Variants in FHIT observed in about 807,000 individuals in gnomAD.
FHIT encodes the protein fragile histidine triad diadenosine triphosphatase.
FHIT carries 19 observed loss-of-function variants against 17.9 expected under a neutral mutation model. The observed-to-expected ratio is 1.06, with a 90% CI of 0.74 to 1.56. The LOEUF (loss-of-function observed/expected upper bound fraction) is 1.56. Among genes scored for constraint, FHIT ranks in the 40% most tolerant of loss-of-function variants. The pLI is 0.00. For missense variants in FHIT, 248 were observed against 189.2 expected, an observed-to-expected ratio of 1.31 and a Z score of -1.82; for synonymous variants, 81 against 69.7, an observed-to-expected ratio of 1.16 and a Z score of -0.81.
chr3:60,664,746 A>G (rs1316768529), intron 4 of FHIT, among the ~76,000 whole-genome samples: 1 of 137,938 alleles, frequency 7.2e-6, no homozygotes, highest in African/African-American at 2.7e-5. Flanking sequence ...TATTTCTTCT[A>G]TGTTCGTTGA....
intron 5 of FHIT, among the ~76,000 whole-genome samples, chr3:60,507,502 A>T (rs1381819106): frequency 6.6e-6 from 1 of 152,170 alleles, no homozygotes; most frequent in Admixed American, 6.5e-5. Flanking sequence ...TTTTTTTACA[A>T]CAACAACAGC....
chr3:60,571,105 A>G (rs900274299), intron 4 of FHIT, among the ~76,000 whole-genome samples: 2 of 152,026 alleles, frequency 1.3e-5, no homozygotes, highest in African/African-American at 2.4e-5. Flanking sequence ...AGGCAGGTAG[A>G]TCACATGAGG....
At chr3:60,405,396 G>A (rs947020860) in intron 5 of FHIT, among the ~76,000 whole-genome samples, 12 of 152,124 alleles carry the variant, frequency 7.9e-5, no homozygotes, top group Admixed American at 2.6e-4. Flanking sequence ...GATACATGGG[G>A]GACTTTCCCG....
intron 4 of FHIT, among the ~76,000 whole-genome samples, chr3:60,746,505 G>A (rs751200835): frequency 7.9e-5 from 12 of 152,102 alleles, no homozygotes; most frequent in Non-Finnish European, 1.3e-4. Context: ...GGGTTCGGAC[G>A]ATCATTATTA....
At chr3:59,858,273 C>G (rs923313257) in intron 8 of FHIT, among the ~76,000 whole-genome samples, 5 of 113,266 alleles carry the variant, frequency 4.4e-5, no homozygotes, top group African/African-American at 1.8e-4. Flanking sequence ...AGATGGAGTG[C>G]TGGAGTGCAG....
chr3:60,215,068 G>A lies in FHIT; in HGVS notation c.104-200916C>T, dbSNP rs9829244. Among the ~76,000 whole-genome samples the A allele has an allele frequency of 3.8e-3, 573 of 152,118 alleles. 3 individuals carry two copies. Among genetic ancestry groups the A allele is most frequent in the Middle Eastern group, 0.01 (3 of 294 alleles). Reference sequence around the variant, plus strand: ...GATTCAAAGCCTGCCAATCATGTACGATACTCACTACCTGGGTGACAGGAT... The same window carrying A: ...GATTCAAAGCCTGCCAATCATGTACAATACTCACTACCTGGGTGACAGGAT... On this transcript the variant is annotated intron_variant, in intron 5 of 9. Transcript: ENST00000492590.
At chr3:59,880,465 C>G (rs1703363190) in intron 8 of FHIT, among the ~76,000 whole-genome samples, 1 of 152,140 alleles carries the variant, frequency 6.6e-6, no homozygotes, top group Non-Finnish European at 1.5e-5. Flanking sequence ...GCTTCTAGCA[C>G]TTTCTCTTCT....
chr3:60,709,143 T>C (rs2041450884), intron 4 of FHIT, among the ~76,000 whole-genome samples: 1 of 152,206 alleles, frequency 6.6e-6, no homozygotes, highest in Non-Finnish European at 1.5e-5. Context: ...ATTTACCATG[T>C]TAGAAATTAA....
intron 4 of FHIT, among the ~76,000 whole-genome samples, chr3:60,798,959 A>C (rs2594162): frequency 1.3e-5 from 2 of 151,492 alleles, no homozygotes; most frequent in African/African-American, 4.9e-5. Context: ...GATTTCACCC[A>C]GCCTCCCAAA....
intron 5 of FHIT, among the ~76,000 whole-genome samples, chr3:60,482,971 C>T (rs1407604865): frequency 1.3e-5 from 2 of 151,606 alleles, no homozygotes; most frequent in Non-Finnish European, 2.9e-5. Context: ...ATCAAATACA[C>T]ACAATAAAAA....
intron 5 of FHIT, among the ~76,000 whole-genome samples, chr3:60,469,261 C>A (rs1040243324): frequency 1.3e-5 from 2 of 151,986 alleles, no homozygotes; most frequent in African/African-American, 4.8e-5. Flanking sequence ...TCTCTCTCTG[C>A]CTCCTCTTTA....
chr3:59,946,527 T>C (rs917971599), intron 7 of FHIT, among the ~76,000 whole-genome samples: 5 of 152,216 alleles, frequency 3.3e-5, no homozygotes, highest in African/African-American at 4.8e-5. Context: ...TCTTGACTGA[T>C]TGCTCTGGCT....
At chr3:61,104,666 C>A (rs1027171074) in intron 2 of FHIT, among the ~76,000 whole-genome samples, 1 of 152,096 alleles carries the variant, frequency 6.6e-6, no homozygotes, top group African/African-American at 2.4e-5. Context: ...ATATGTTTTC[C>A]AAATTGGTTC....
chr3:60,817,008 T>C (rs371243758), intron 4 of FHIT, among the ~76,000 whole-genome samples: 83 of 152,116 alleles, frequency 5.5e-4, no homozygotes, highest in African/African-American at 1.9e-3. Flanking sequence ...TTTCTTAATT[T>C]AGGATTCTAT....
chr3:60,569,745 A>ATTTTTTTTTTTT (rs2037296758), intron 4 of FHIT, among the ~76,000 whole-genome samples: 1 of 58,804 alleles, frequency 1.7e-5, no homozygotes, highest in African/African-American at 6.4e-5. Flanking sequence ...ATATATATAT[A>ATTTTTTTTTTTT]TATATATATA....
chr3:60,418,911 T>C (rs1427342350), intron 5 of FHIT, among the ~76,000 whole-genome samples: 1 of 152,154 alleles, frequency 6.6e-6, no homozygotes, highest in Non-Finnish European at 1.5e-5. Flanking sequence ...ATCTTTAGAT[T>C]CCTGTATACA....
At chr3:59,828,713 A>C (rs1395364943) in intron 8 of FHIT, among the ~76,000 whole-genome samples, 1 of 152,226 alleles carries the variant, frequency 6.6e-6, no homozygotes, top group Non-Finnish European at 1.5e-5. Flanking sequence ...TCTTTGGTTA[A>C]GGCAGACTTA....
Position 60,481,510 on chromosome 3 carries a change from G to A in FHIT, c.103+55350C>T, listed in dbSNP as rs376089074. Among the ~76,000 whole-genome samples, 13 of 152,252 alleles carry A rather than the reference G, an allele frequency of 8.5e-5. No homozygotes were observed. In the South Asian group the frequency reaches 2.3e-3, roughly 27 times the overall value. On this transcript the variant is annotated intron_variant, in intron 5 of 9. Transcript: ENST00000492590. ...AACTCTACATGCCAGAAGAGACTGG[G>A]GGCCAATATTCAGCATTCTTAAAGA... is the stretch of plus-strand genomic sequence containing the variant.
chr3:60,498,638 T>C (rs1018676104), intron 5 of FHIT, among the ~76,000 whole-genome samples: 1 of 152,164 alleles, frequency 6.6e-6, no homozygotes, highest in Non-Finnish European at 1.5e-5. Flanking sequence ...TCTGTCTTTG[T>C]CAAGAAGGTC....
Sources: allele counts gnomAD v4.1 joint callset (sites outside exome capture counted in the v4.1 genomes callset), GRCh38; gene constraint gnomAD v4.1.1; transcripts MANE v1.5; gene names NCBI Gene and HGNC (gene_info 2026-07-23, HGNC 2026-07-21).